Variants in ST6GALNAC3 observed in about 807,000 individuals in gnomAD.
ST6GALNAC3 encodes ST6 N-acetylgalactosaminide alpha-2,6-sialyltransferase 3, also known as alpha-N-acetylgalactosaminide alpha-2,6-sialyltransferase 3.
A neutral mutation model predicts 32.7 loss-of-function variants in ST6GALNAC3; 25 were observed. The ratio of observed to expected loss-of-function variants is 0.76; its 90% confidence interval spans 0.56 to 1.07. The LOEUF (loss-of-function observed/expected upper bound fraction) is 1.07, where lower values mean the gene tolerates loss of function less well. ST6GALNAC3 is among the 50% of genes least tolerant of loss of function. The pLI, the probability that ST6GALNAC3 is intolerant of heterozygous loss-of-function variation, is 0.00. For synonymous variants in ST6GALNAC3, 129 were observed against 133.1 expected, an observed-to-expected ratio of 0.97 and a Z score of 0.21; for missense variants, 355 against 382.4, an observed-to-expected ratio of 0.93 and a Z score of 0.60.
At chr1:76,588,262 G>GT (rs879673499) in intron 3 of ST6GALNAC3, among the ~76,000 whole-genome samples, 67 of 148,176 alleles carry the variant, frequency 4.5e-4, no homozygotes, top group East Asian at 7.9e-4. Flanking sequence ...ATTCTACCTA[G>GT]TTTTTTTTTT....
At chr1:76,275,921 C>G (rs1424999189) in intron 1 of ST6GALNAC3, among the ~76,000 whole-genome samples, 1 of 152,124 alleles carries the variant, frequency 6.6e-6, no homozygotes, top group Admixed American at 6.5e-5. Flanking sequence ...CATCAAAGTA[C>G]TCGTTTCATT....
intron 3 of ST6GALNAC3, among the ~76,000 whole-genome samples, chr1:76,480,423 TAAA>T (rs1188558871): frequency 6.6e-6 from 1 of 152,150 alleles, no homozygotes; most frequent in Non-Finnish European, 1.5e-5. Flanking sequence ...CCTTTAACTG[TAAA>T]CATGAGCTAA....
chr1:76,113,362 G>A (rs1191447694), intron 1 of ST6GALNAC3, among the ~76,000 whole-genome samples: 1 of 136,336 alleles, frequency 7.3e-6, no homozygotes, highest in Admixed American at 7.2e-5. Context: ...GGGGGAGGGG[G>A]AGGGGGAGGC....
intron 3 of ST6GALNAC3, among the ~76,000 whole-genome samples, chr1:76,587,606 A>G (rs1034461690): frequency 2.0e-5 from 3 of 152,152 alleles, no homozygotes; most frequent in African/African-American, 7.2e-5. Context: ...AAATTATTTA[A>G]TCTCTAAATT....
At chr1:76,617,726 C>T (rs1322344881) in intron 3 of ST6GALNAC3, among the ~76,000 whole-genome samples, 1 of 152,152 alleles carries the variant, frequency 6.6e-6, no homozygotes, top group Admixed American at 6.6e-5. Flanking sequence ...TCTTAGAGGT[C>T]ATCCAATCCA....
chr1:76,461,778 T>A (rs1345274044), intron 3 of ST6GALNAC3, among the ~76,000 whole-genome samples: 1 of 152,216 alleles, frequency 6.6e-6, no homozygotes, highest in Non-Finnish European at 1.5e-5. Flanking sequence ...CCTAGGTACA[T>A]TGTTTTACTT....
intron 3 of ST6GALNAC3, among the ~76,000 whole-genome samples, chr1:76,486,291 G>A (rs1234673943): frequency 1.5e-5 from 2 of 132,172 alleles, no homozygotes; most frequent in African/African-American, 5.1e-5. Context: ...TTAACCTTCT[G>A]TCTCATTGAT....
At chr1:76,187,495 A>AAT (rs1418528409) in intron 1 of ST6GALNAC3, among the ~76,000 whole-genome samples, 1 of 152,178 alleles carries the variant, frequency 6.6e-6, no homozygotes, top group Non-Finnish European at 1.5e-5. Flanking sequence ...GTGACTAAAA[A>AAT]ATATCTCCAG....
At chr1:76,450,404 C>T (rs994163463) in intron 3 of ST6GALNAC3, among the ~76,000 whole-genome samples, 2 of 152,072 alleles carry the variant, frequency 1.3e-5, no homozygotes, top group Non-Finnish European at 2.9e-5. Context: ...TTGTCCTTAG[C>T]CCACTTTTTG....
At chr1:76,610,696 G>T (rs1004073881) in intron 3 of ST6GALNAC3, among the ~76,000 whole-genome samples, 12 of 152,178 alleles carry the variant, frequency 7.9e-5, no homozygotes, top group Admixed American at 2.0e-4. Context: ...AGTGGCGACA[G>T]GGAGTGCTAG....
At chr1:76,110,689 T>A (rs1245737788) in intron 1 of ST6GALNAC3, among the ~76,000 whole-genome samples, 3 of 152,232 alleles carry the variant, frequency 2.0e-5, no homozygotes, top group Admixed American at 6.5e-5. Flanking sequence ...GTGGATGGTC[T>A]TGGCACAACA....
intron 1 of ST6GALNAC3, among the ~76,000 whole-genome samples, chr1:76,112,957 A>G (rs1648168388): frequency 6.6e-6 from 1 of 152,110 alleles, no homozygotes; most frequent in African/African-American, 2.4e-5. Flanking sequence ...AGAGGCTGCA[A>G]TCTCGGCACT....
intron 3 of ST6GALNAC3, among the ~76,000 whole-genome samples, chr1:76,585,941 C>A (rs1332173626): frequency 6.6e-6 from 1 of 152,212 alleles, no homozygotes; most frequent in African/African-American, 2.4e-5. Context: ...TCACTTCAAT[C>A]CATTTCAAAT....
chr1:76,326,594 A>G (rs1647074550), intron 2 of ST6GALNAC3, among the ~76,000 whole-genome samples: 1 of 152,174 alleles, frequency 6.6e-6, no homozygotes, highest in Non-Finnish European at 1.5e-5. Flanking sequence ...TTGCTAAAAA[A>G]GACTATGAAT....
chr1:76,440,000 T>C (rs999411903), intron 3 of ST6GALNAC3, among the ~76,000 whole-genome samples: 2 of 152,264 alleles, frequency 1.3e-5, no homozygotes, highest in Non-Finnish European at 2.9e-5. Context: ...TTTACGTATG[T>C]TACATGTAGT....
At chr1:76,151,003 A>T in intron 1 of ST6GALNAC3, among the ~76,000 whole-genome samples, 1 of 152,182 alleles carries the variant, frequency 6.6e-6, no homozygotes, top group East Asian at 1.9e-4. Flanking sequence ...TGGGCCCCAG[A>T]TCATCAGCCA....
chr1:76,303,956 T>A (rs1356663509), intron 1 of ST6GALNAC3, among the ~76,000 whole-genome samples: 1 of 151,466 alleles, frequency 6.6e-6, no homozygotes, highest in Non-Finnish European at 1.5e-5. Context: ...ACCCTAACCC[T>A]CTCCCTCACT....
intron 2 of ST6GALNAC3, among the ~76,000 whole-genome samples, chr1:76,336,696 A>C (rs79389434): frequency 6.6e-6 from 1 of 152,142 alleles, no homozygotes; most frequent in African/African-American, 2.4e-5. Flanking sequence ...CCCTGGCTCA[A>C]TGCTGCTCTA....
At chr1:76,300,849 AG>A (rs1193873409) in intron 1 of ST6GALNAC3, among the ~76,000 whole-genome samples, 2 of 151,946 alleles carry the variant, frequency 1.3e-5, no homozygotes, top group Non-Finnish European at 2.9e-5. Context: ...ATCTTCTTGG[AG>A]GGGCAGGACG....
Sources: gnomAD v4.1 joint callset for allele counts (sites outside exome capture counted in the v4.1 genomes callset) on GRCh38, gnomAD v4.1.1 for gene constraint, MANE v1.5 for transcripts, NCBI Gene and HGNC (gene_info 2026-07-23, HGNC 2026-07-21) for gene names.